PPARG: variants seen among roughly 807,000 people sequenced by gnomAD.
PPARG encodes peroxisome proliferator-activated receptor gamma.
A neutral mutation model predicts 39.2 loss-of-function variants in PPARG; 17 were observed. The observed-to-expected ratio is 0.43, with a 90% CI of 0.30 to 0.65. PPARG has a LOEUF of 0.65. PPARG is among the 30% of genes least tolerant of loss of function. PPARG has a pLI of 0.13. For missense variants in PPARG, 406 were observed against 585.9 expected, an observed-to-expected ratio of 0.69 and a Z score of 3.17; for synonymous variants, 223 against 215.7, an observed-to-expected ratio of 1.03 and a Z score of -0.30.
At chr3:12,432,394 C>CAT (rs10643169) in intron 7 of PPARG, among the ~76,000 whole-genome samples, 3,605 of 152,310 alleles carry the variant, frequency 0.024, 154 homozygotes, top group African/African-American at 0.082. Context: ...CTTCAGATAT[C>CAT]ATAGCTCTTT....
At chr3:12,398,753 G>A (rs534273864) in intron 5 of PPARG, among the ~76,000 whole-genome samples, 2 of 152,352 alleles carry the variant, frequency 1.3e-5, no homozygotes, top group African/African-American at 4.8e-5. Flanking sequence ...GGAGAATACT[G>A]AAGAGCTCAA....
intron 2 of PPARG, among the ~76,000 whole-genome samples, chr3:12,346,596 C>A (rs1559501717): frequency 2.8e-5 from 4 of 145,404 alleles, no homozygotes; most frequent in African/African-American, 1.0e-4. Context: ...TTAAGAAGAC[C>A]TTTTTTTTTT....
At chr3:12,361,329 G>A (rs760137714) in intron 2 of PPARG, among the ~76,000 whole-genome samples, 4 of 151,686 alleles carry the variant, frequency 2.6e-5, no homozygotes, top group Non-Finnish European at 4.4e-5. Flanking sequence ...GTGCTTTTTC[G>A]TTTACTTAAT....
At chr3:12,299,016 T>C (rs1054433625) in intron 1 of PPARG, among the ~76,000 whole-genome samples, 1 of 152,040 alleles carries the variant, frequency 6.6e-6, no homozygotes, top group African/African-American at 2.4e-5. Flanking sequence ...TTATATTTTT[T>C]GTAGAAACAG....
intron 2 of PPARG, among the ~76,000 whole-genome samples, chr3:12,337,432 G>T (rs1408336087): frequency 2.0e-5 from 3 of 152,164 alleles, no homozygotes; most frequent in Non-Finnish European, 4.4e-5. Context: ...CAATAATATT[G>T]TTAACCTATG....
At chr3:12,397,178 T>C (rs79860746) in intron 5 of PPARG, among the ~76,000 whole-genome samples, 2 of 151,360 alleles carry the variant, frequency 1.3e-5, no homozygotes, top group African/African-American at 4.9e-5. Flanking sequence ...TGTAATTTTT[T>C]AAAAAAAACT....
chr3:12,362,669 G>A (rs144479557), intron 2 of PPARG, among the ~76,000 whole-genome samples: 1 of 151,674 alleles, frequency 6.6e-6, no homozygotes, highest in East Asian at 1.9e-4. Flanking sequence ...TTTTTCCTTT[G>A]TTGCATTGGA....
At chr3:12,359,193 G>T (rs1478224772) in intron 2 of PPARG, among the ~76,000 whole-genome samples, 1 of 152,132 alleles carries the variant, frequency 6.6e-6, no homozygotes, top group Non-Finnish European at 1.5e-5. Context: ...TGTAAGGCCT[G>T]AAAAACACCT....
In PPARG at chr3:12,351,714, G is replaced by A. The variant is rs184470181; in HGVS notation, c.-8-27990G>A. The stretch of plus-strand genomic sequence containing the variant: ...AGATACGGCTATTGGGGACGTGGGG[G>A]CATTTATGTAAGGGTAAAATTGCTC... On this transcript the variant is annotated intron_variant, in intron 2 of 7. Coordinates refer to ENST00000651735, the MANE Select transcript of PPARG (RefSeq NM_138711.6). The A allele has an allele frequency of 5.3e-3, 7,969 of 1,500,592 alleles. 51 individuals are homozygous for A. Among genetic ancestry groups the A allele is most frequent in the Non-Finnish European group, 5.0e-3 (5,362 of 1,076,650 alleles). The allele number at this position is 1,500,592 out of a possible 1,614,324, so 93.0% of individuals were successfully genotyped here.
At chr3:12,352,663 C>T (rs2048525533) in intron 2 of PPARG, among the ~76,000 whole-genome samples, 1 of 152,196 alleles carries the variant, frequency 6.6e-6, no homozygotes, top group Non-Finnish European at 1.5e-5. Flanking sequence ...GATGGCTTTA[C>T]ATTTTAACCT....
At chr3:12,426,705 A>G (rs775189889) in intron 7 of PPARG, among the ~76,000 whole-genome samples, 13 of 152,224 alleles carry the variant, frequency 8.5e-5, no homozygotes, top group Non-Finnish European at 1.5e-4. Context: ...AGTAATGAAA[A>G]TAGTAATAGC....
intron 2 of PPARG, among the ~76,000 whole-genome samples, chr3:12,359,146 G>A (rs1047485573): frequency 1.3e-5 from 2 of 152,050 alleles, no homozygotes; most frequent in Admixed American, 1.3e-4. Context: ...CTCTCACCTT[G>A]GTAAGCTTCT....
chr3:12,297,937 A>G (rs2046829084), intron 1 of PPARG: 1 of 152,198 alleles, frequency 6.6e-6, no homozygotes. Flanking sequence ...AGATGCACAG[A>G]AAGGTAAATT....
At chr3:12,308,013 A>G (rs897142292) in intron 1 of PPARG, among the ~76,000 whole-genome samples, 2 of 152,110 alleles carry the variant, frequency 1.3e-5, no homozygotes, top group African/African-American at 4.8e-5. Context: ...AACACAAAAT[A>G]GAAAAGCTCA....
At chr3:12,290,995 TG>T (rs951232173) in intron 1 of PPARG, among the ~76,000 whole-genome samples, 14 of 152,176 alleles carry the variant, frequency 9.2e-5, no homozygotes, top group African/African-American at 2.4e-5. Context: ...ATTCTAATTG[TG>T]GGTGTCTTTC....
In PPARG at chr3:12,406,532, C is replaced by CTTTTTTT. The variant is rs10540594; in HGVS notation, c.729+470_729+476dup. ...TTCAGGAGAACTACCAGAGTTACCT[C>CTTTTTTT]TTTTTTTTTTTTTTTTTTTTTTTTT... On this transcript the variant is annotated intron_variant, in intron 6 of 7. Transcript: ENST00000651735. The CTTTTTTT allele has an allele frequency of 2.7e-3, 162 of 60,480 alleles. 4 individuals carry two copies. Among genetic ancestry groups the CTTTTTTT allele is most frequent in the Middle Eastern group, 0.03 (2 of 66 alleles). 3.7% of individuals were successfully genotyped at this position (60,480 alleles called of 1,614,324 possible).
chr3:12,342,444 G>A (rs1381719100), intron 2 of PPARG, among the ~76,000 whole-genome samples: 1 of 152,188 alleles, frequency 6.6e-6, no homozygotes, highest in Non-Finnish European at 1.5e-5. Context: ...AACATTTGGG[G>A]TCAGCTGGGG....
chr3:12,355,456 G>A (rs2881654), intron 2 of PPARG, among the ~76,000 whole-genome samples: 38,581 of 152,006 alleles, frequency 0.25, 8,120 homozygotes, highest in African/African-American at 0.59. Context: ...ATAATTTCAC[G>A]TGTAATTAGA....
chr3:12,299,435 A>AT (rs1341696251), intron 1 of PPARG, among the ~76,000 whole-genome samples: 3 of 151,804 alleles, frequency 2.0e-5, no homozygotes, highest in Admixed American at 1.3e-4. Context: ...ATCCTTGAAT[A>AT]TTTTTTCCCA....
Sources: gnomAD v4.1 joint callset for allele counts (sites outside exome capture counted in the v4.1 genomes callset) on GRCh38, gnomAD v4.1.1 for gene constraint, MANE v1.5 for transcripts, NCBI Gene and HGNC (gene_info 2026-07-23, HGNC 2026-07-21) for gene names.